Variants in CSNK2A2IP observed in about 807,000 individuals in gnomAD.
CSNK2A2IP encodes the protein casein kinase II subunit alpha'-interacting protein.
chr3:88,453,984 A>G, the CSNK2A2IP span, among the ~76,000 whole-genome samples: 3 of 152,062 alleles, frequency 2.0e-5, no homozygotes, highest in African/African-American at 7.2e-5. Flanking sequence ...TGGTACATGT[A>G]TATTTAACTT....
At chr3:88,440,160 A>G in the CSNK2A2IP span, among the ~76,000 whole-genome samples, 1 of 152,216 alleles carries the variant, frequency 6.6e-6, no homozygotes, top group Non-Finnish European at 1.5e-5. Flanking sequence ...AATGATATTG[A>G]ACATTTGTAA....
At chr3:88,374,356 G>T in the CSNK2A2IP span, among the ~76,000 whole-genome samples, 2 of 151,556 alleles carry the variant, frequency 1.3e-5, no homozygotes, top group African/African-American at 2.4e-5. Flanking sequence ...CCAGCTGGAC[G>T]TTTGATGGAA....
the CSNK2A2IP span, among the ~76,000 whole-genome samples, chr3:88,442,745 G>A: frequency 4.0e-5 from 6 of 151,548 alleles, no homozygotes; most frequent in African/African-American, 1.5e-4. Flanking sequence ...TGTAATTTTG[G>A]TCTAGCTAAT....
the CSNK2A2IP span, among the ~76,000 whole-genome samples, chr3:88,461,577 T>C: frequency 3.3e-5 from 5 of 152,106 alleles, no homozygotes; most frequent in East Asian, 7.7e-4. Context: ...ATAAAAATAC[T>C]AATTTAATGG....
the CSNK2A2IP span, among the ~76,000 whole-genome samples, chr3:88,345,951 A>G: frequency 6.6e-6 from 1 of 151,990 alleles, no homozygotes; most frequent in Admixed American, 6.6e-5. Flanking sequence ...GGAGAATGCA[A>G]ACAACAGGTT....
chr3:88,421,182 T>TTA, the CSNK2A2IP span, among the ~76,000 whole-genome samples: 2 of 152,172 alleles, frequency 1.3e-5, no homozygotes, highest in African/African-American at 2.4e-5. Flanking sequence ...TCTCTATAAC[T>TTA]TATATTGATA....
chr3:88,460,085 A>G, the CSNK2A2IP span, among the ~76,000 whole-genome samples: 1 of 152,286 alleles, frequency 6.6e-6, no homozygotes, highest in South Asian at 2.1e-4. Context: ...AAATGTTCAT[A>G]TAACATTATA....
chr3:88,394,000 G>A, the CSNK2A2IP span, among the ~76,000 whole-genome samples: 14 of 151,928 alleles, frequency 9.2e-5, no homozygotes, highest in African/African-American at 1.5e-4. Flanking sequence ...ACATAATTTC[G>A]TGTGGTGTGA....
At chr3:88,466,761 C>T in the CSNK2A2IP span, 1 of 853,918 alleles carries the variant, frequency 1.2e-6, no homozygotes, top group South Asian at 6.0e-5. Context: ...CTGGTCCTCG[C>T]TTGTCATCAA....
At chr3:88,407,256 T>C in the CSNK2A2IP span, among the ~76,000 whole-genome samples, 2 of 128,520 alleles carry the variant, frequency 1.6e-5, no homozygotes, top group Admixed American at 9.1e-5. Flanking sequence ...TTTCCTAATA[T>C]ATGTTTTAGA....
At chr3:88,444,931 C>T in the CSNK2A2IP span, among the ~76,000 whole-genome samples, 1 of 152,100 alleles carries the variant, frequency 6.6e-6, no homozygotes, top group East Asian at 1.9e-4. Context: ...TACTTAAATT[C>T]TTGTCACTGC....
chr3:88,410,797 G>A, the CSNK2A2IP span, among the ~76,000 whole-genome samples: 2 of 151,920 alleles, frequency 1.3e-5, no homozygotes, highest in Admixed American at 1.3e-4. Flanking sequence ...TTTATTGTAT[G>A]AATTCTGATG....
At chr3:88,422,683 T>C in the CSNK2A2IP span, among the ~76,000 whole-genome samples, 1 of 152,212 alleles carries the variant, frequency 6.6e-6, no homozygotes, top group African/African-American at 2.4e-5. Context: ...TAAATAGGTT[T>C]CTTTTCATTC....
the CSNK2A2IP span, among the ~76,000 whole-genome samples, chr3:88,370,855 G>C: frequency 1.3e-5 from 2 of 151,554 alleles, no homozygotes; most frequent in Non-Finnish European, 1.5e-5. Flanking sequence ...GCCTTGATTT[G>C]ATAAGATTAT....
At chr3:88,463,452 C>A in the CSNK2A2IP span, among the ~76,000 whole-genome samples, 1 of 152,080 alleles carries the variant, frequency 6.6e-6, no homozygotes, top group Non-Finnish European at 1.5e-5. Flanking sequence ...TTCTATAGTT[C>A]ATTTAAAAAT....
At chr3:88,411,471 C>T in the CSNK2A2IP span, among the ~76,000 whole-genome samples, 1 of 151,620 alleles carries the variant, frequency 6.6e-6, no homozygotes, top group East Asian at 1.9e-4. Flanking sequence ...ATCTTATAAG[C>T]TTGGATTATA....
chr3:88,342,203 A>G, the CSNK2A2IP span, among the ~76,000 whole-genome samples: 6 of 152,068 alleles, frequency 3.9e-5, no homozygotes, highest in Non-Finnish European at 8.8e-5. Flanking sequence ...TTCAGAATTC[A>G]GGAACTTATA....
chr3:88,373,880 A>C, the CSNK2A2IP span, among the ~76,000 whole-genome samples: 1 of 151,584 alleles, frequency 6.6e-6, no homozygotes, highest in Non-Finnish European at 1.5e-5. Context: ...AAAATTAATA[A>C]GATGAAATTT....
At chr3:88,458,445 C>T in the CSNK2A2IP span, among the ~76,000 whole-genome samples, 3 of 152,038 alleles carry the variant, frequency 2.0e-5, no homozygotes, top group African/African-American at 7.2e-5. Context: ...GACACCATGC[C>T]CAGCCCTCTT....
Sources: gnomAD v4.1 joint callset for allele counts (sites outside exome capture counted in the v4.1 genomes callset) on GRCh38, gnomAD v4.1.1 for gene constraint, MANE v1.5 for transcripts, NCBI Gene and HGNC (gene_info 2026-07-23, HGNC 2026-07-21) for gene names.